Variants in NUGGC observed in about 807,000 individuals in gnomAD.
NUGGC encodes nuclear GTPase SLIP-GC.
NUGGC carries 58 observed loss-of-function variants against 92.6 expected under a neutral mutation model. That is an observed-to-expected ratio of 0.63 (90% CI 0.51 to 0.78). NUGGC has a LOEUF of 0.78. Ranked by LOEUF, NUGGC falls within the 30% of genes least tolerant of loss-of-function variation. The pLI, the probability that NUGGC is intolerant of heterozygous loss-of-function variation, is 0.00. For missense variants in NUGGC, 925 were observed against 964.6 expected (o/e 0.96, Z 0.54); for synonymous variants, 376 against 366.4 (o/e 1.03, Z -0.30).
rs773041506 is a variant in NUGGC, at chr8:28,023,285, A to G, written c.*32T>C. 2.5e-6 allele frequency: 4 copies of G among 1,598,992 alleles called. No homozygotes were observed. In the South Asian group the frequency reaches 4.5e-5, roughly 18 times the overall value. ...ATTCTAATTCTCTGGCTCTGGGCTG[A>G]TTTTTCATCCATTGGGACTAAGCCC... On this transcript the variant is annotated 3_prime_UTR_variant, in exon 19 of 19. Transcript: ENST00000413272.
rs780325957 is a variant in NUGGC at position 28,074,421 on chromosome 8, G to A, written c.-11C>T. ...CTTCGTTTCTGCCATTCCTTGTTAC[G>A]TGAACTCCTGCTCTTCTCAGTTCAG... On this transcript the variant is annotated 5_prime_UTR_variant, in exon 2 of 19. In the 5' UTR this introduces an upstream ATG that the reference lacks. Transcript: ENST00000413272. 2.7e-5 allele frequency: 43 copies of A among 1,613,198 alleles called. No homozygotes were observed. In the Admixed American group the frequency reaches 3.3e-4, roughly 13 times the overall value.
intron 13 of NUGGC, among the ~76,000 whole-genome samples, chr8:28,035,805 T>C (rs73669172): frequency 0.022 from 3,279 of 152,292 alleles, 104 homozygotes; most frequent in African/African-American, 0.075. Flanking sequence ...AATGGCCAAA[T>C]CCAATGGCTC....
chr8:28,071,204 T>C (rs574922529), intron 2 of NUGGC, among the ~76,000 whole-genome samples: 1 of 152,228 alleles, frequency 6.6e-6, no homozygotes, highest in South Asian at 2.1e-4. Context: ...GGCTGGACAT[T>C]CTTCACCAAA....
chr8:28,028,411 C>T (rs1347204488), intron 17 of NUGGC, among the ~76,000 whole-genome samples: 2 of 152,134 alleles, frequency 1.3e-5, no homozygotes, highest in Admixed American at 6.5e-5. Context: ...ACTGCAGTCC[C>T]GGTGGAGGAG....
chr8:28,074,825 G>C (rs941950768), intron 1 of NUGGC, among the ~76,000 whole-genome samples: 2 of 152,168 alleles, frequency 1.3e-5, no homozygotes, highest in Non-Finnish European at 2.9e-5. Context: ...CATAATCCCA[G>C]CTACTGGGGA....
intron 6 of NUGGC, 146 bp from the exon 7 acceptor site, chr8:28,064,877 C>CAGGT: frequency 3.1e-6 from 2 of 648,866 alleles, no homozygotes; most frequent in Non-Finnish European, 5.3e-6. Flanking sequence ...GTCTGTAGGA[C>CAGGT]CTAGAACCTG....
chr8:28,053,084 C>CCAGCCAAAAAAAA lies in NUGGC; in HGVS notation c.1206+2868_1206+2880dup, dbSNP rs1239195881. Among the ~76,000 whole-genome samples the CCAGCCAAAAAAAA allele has an allele frequency of 3.3e-5, 5 of 151,458 alleles. No individual in the cohort carries two copies. The East Asian group carries it at 9.7e-4, about 29-fold the overall frequency. ...TGCAAAGTGACTGCCTATCCCACAC[C>CCAGCCAAAAAAAA]CAGCCAAAAAAAAAAGTGATGGAAA... On this transcript the variant is annotated intron_variant, in intron 10 of 18. Coordinates refer to ENST00000413272, the MANE Select transcript of NUGGC (RefSeq NM_001010906.2).
Position 28,070,353 on chromosome 8 carries a change from T to G in NUGGC, c.47A>C (p.Glu16Ala), listed in dbSNP as rs752402743. Reference sequence around the variant, plus strand: ...CGTTCGTTCTTTATATAAATCATCTTCAACTAGAGATAAACAGAGGATATA... The same window carrying G: ...CGTTCGTTCTTTATATAAATCATCTGCAACTAGAGATAAACAGAGGATATA... ...DVFGQEPHPV[E>A]DDLYKERTRK... The change falls in exon 3 of 19, where the codon GAA becomes GCA. Residue 16 changes from glutamate to alanine, a missense_variant. Transcript: ENST00000413272. 9.6e-6 allele frequency: 14 copies of G among 1,451,580 alleles called. No homozygotes were observed. In the South Asian group the frequency reaches 1.7e-4, roughly 18 times the overall value. The allele number at this position is 1,451,580 out of a possible 1,614,324, so 89.9% of individuals were successfully genotyped here. A position where few individuals can be genotyped will look rare whatever the true frequency, so the allele number is the denominator to read the frequency against.
chr8:28,075,766 C>T (rs186372891), intron 1 of NUGGC, among the ~76,000 whole-genome samples: 1 of 152,292 alleles, frequency 6.6e-6, no homozygotes, highest in Admixed American at 6.5e-5. Flanking sequence ...TAAACGGCTT[C>T]TGTATTTGGT....
At chr8:28,028,565 A>T (rs1006611227) in intron 17 of NUGGC, among the ~76,000 whole-genome samples, 1 of 152,310 alleles carries the variant, frequency 6.6e-6, no homozygotes, top group African/African-American at 2.4e-5. Flanking sequence ...GGAGCCTCAC[A>T]TGGCCAGGGA....
chr8:28,072,396 C>T (rs1020739127), intron 2 of NUGGC, among the ~76,000 whole-genome samples: 6 of 152,124 alleles, frequency 3.9e-5, no homozygotes, highest in Admixed American at 2.6e-4. Flanking sequence ...AATCTGTGCT[C>T]GAAAAAGCAT....
chr8:28,057,575 G>C (rs527457254), intron 9 of NUGGC, among the ~76,000 whole-genome samples: 2 of 151,888 alleles, frequency 1.3e-5, no homozygotes, highest in Non-Finnish European at 2.9e-5. Flanking sequence ...TCCTGACCTC[G>C]TGATCCGCCC....
At chr8:28,026,519 C>T (rs1234030000) in intron 18 of NUGGC, among the ~76,000 whole-genome samples, 6 of 152,174 alleles carry the variant, frequency 3.9e-5, no homozygotes, top group African/African-American at 1.4e-4. Context: ...AAGGAGGCAT[C>T]AACTTAAAAG....
intron 11 of NUGGC, 113 bp downstream of exon 11, chr8:28,047,391 TGGC>T: frequency 1.6e-6 from 1 of 639,776 alleles, no homozygotes; most frequent in Non-Finnish European, 2.7e-6. Flanking sequence ...ATTGAAACCA[TGGC>T]AAGCTGGAAA....
intron 8 of NUGGC, among the ~76,000 whole-genome samples, chr8:28,059,840 G>A (rs190905787): frequency 5.9e-5 from 9 of 152,222 alleles, no homozygotes; most frequent in African/African-American, 1.9e-4. Flanking sequence ...CGGCCAACAT[G>A]GCGAAACCCC....
chr8:28,064,897 A>T (rs1810399965), intron 6 of NUGGC, among the ~76,000 whole-genome samples, 166 bp from the exon 7 acceptor site: 1 of 152,214 alleles, frequency 6.6e-6, no homozygotes, highest in Non-Finnish European at 1.5e-5. Context: ...GAGAGCCAGG[A>T]AGGACCCTGG....
At chr8:28,037,588 A>G (rs896075235) in intron 13 of NUGGC, among the ~76,000 whole-genome samples, 2 of 152,166 alleles carry the variant, frequency 1.3e-5, no homozygotes, top group African/African-American at 4.8e-5. Flanking sequence ...GGAGAAAATG[A>G]ACTCTACTCC....
intron 1 of NUGGC, among the ~76,000 whole-genome samples, chr8:28,076,235 A>T (rs765480007): frequency 6.6e-6 from 1 of 152,194 alleles, no homozygotes; most frequent in African/African-American, 2.4e-5. Flanking sequence ...AACATAATGG[A>T]TGGGAAGCTT....
chr8:28,081,679 C>A (rs145385245), intron 1 of NUGGC, among the ~76,000 whole-genome samples: 1 of 152,106 alleles, frequency 6.6e-6, no homozygotes, highest in East Asian at 1.9e-4. Flanking sequence ...GAGTTTGAGA[C>A]CATCCTGGCT....
Sources: gnomAD v4.1 joint callset for allele counts (sites outside exome capture counted in the v4.1 genomes callset) on GRCh38, gnomAD v4.1.1 for gene constraint, MANE v1.5 for transcripts, NCBI Gene and HGNC (gene_info 2026-07-23, HGNC 2026-07-21) for gene names.